Variants in MTCL3 observed in about 807,000 individuals in gnomAD.
The protein encoded by MTCL3 is MTCL family member 3, also known as microtubule cross-linking factor 3.
chr6:127,497,449 G>C, the MTCL3 span, among the ~76,000 whole-genome samples: 1 of 152,122 alleles, frequency 6.6e-6, no homozygotes, highest in East Asian at 1.9e-4. Context: ...CCCATGTTGA[G>C]GTTTATTCTT....
the MTCL3 span, among the ~76,000 whole-genome samples, chr6:127,500,296 A>G: frequency 6.6e-6 from 1 of 152,154 alleles, no homozygotes. Flanking sequence ...ATATAATAAG[A>G]CATATTTTTT....
At chr6:127,473,709 C>A in the MTCL3 span, among the ~76,000 whole-genome samples, 2 of 152,170 alleles carry the variant, frequency 1.3e-5, no homozygotes, top group Non-Finnish European at 2.9e-5. Flanking sequence ...TCTAGCTGTA[C>A]CAACAGGCAG....
At chr6:127,506,413 A>G in the MTCL3 span, among the ~76,000 whole-genome samples, 1 of 152,160 alleles carries the variant, frequency 6.6e-6, no homozygotes, top group Non-Finnish European at 1.5e-5. Context: ...TTCTTTCAAT[A>G]TTTGGTCCCC....
At chr6:127,493,825 T>A in the MTCL3 span, among the ~76,000 whole-genome samples, 5 of 152,264 alleles carry the variant, frequency 3.3e-5, no homozygotes, top group African/African-American at 9.6e-5. Flanking sequence ...TTTATTTTTT[T>A]AAATTAAAGA....
the MTCL3 span, chr6:127,475,272 T>A: frequency 6.4e-7 from 1 of 1,564,160 alleles, no homozygotes; most frequent in East Asian, 2.3e-5. This position sits in a 1 kb window ranked among gnomAD's most constrained non-coding sequence, Gnocchi z 7.3. Context: ...CCGCCGTGGC[T>A]CGCAATAGGC....
chr6:127,501,466 T>A, the MTCL3 span, among the ~76,000 whole-genome samples: 1 of 152,212 alleles, frequency 6.6e-6, no homozygotes, highest in Non-Finnish European at 1.5e-5. Context: ...TCAGAATAAA[T>A]AAGCAATTGG....
At chr6:127,480,734 T>G in the MTCL3 span, among the ~76,000 whole-genome samples, 1 of 152,136 alleles carries the variant, frequency 6.6e-6, no homozygotes, top group Non-Finnish European at 1.5e-5. Context: ...AGAATTACAA[T>G]AGAATGGTAT....
the MTCL3 span, among the ~76,000 whole-genome samples, chr6:127,481,833 G>T: frequency 3.2e-3 from 480 of 152,306 alleles, 1 homozygote; most frequent in Non-Finnish European, 5.1e-3. Context: ...TAAGGATTCT[G>T]AGTCACAGGA....
At chr6:127,492,674 C>G in the MTCL3 span, among the ~76,000 whole-genome samples, 1 of 152,064 alleles carries the variant, frequency 6.6e-6, no homozygotes, top group Non-Finnish European at 1.5e-5. Flanking sequence ...GCGCCCGCCA[C>G]CACACCCGGC....
At chr6:127,484,174 A>T in the MTCL3 span, among the ~76,000 whole-genome samples, 3 of 152,214 alleles carry the variant, frequency 2.0e-5, no homozygotes, top group East Asian at 5.8e-4. Context: ...ATAAATTCGC[A>T]AAGAAATGAA....
chr6:127,473,178 C>T, the MTCL3 span: 1 of 1,293,818 alleles, frequency 7.7e-7, no homozygotes, highest in Non-Finnish European at 9.9e-7. Context: ...GTTTTTATAG[C>T]ATTGGTTACT....
At chr6:127,516,341 G>A in the MTCL3 span, 12 of 1,590,702 alleles carry the variant, frequency 7.5e-6, no homozygotes, top group Non-Finnish European at 1.0e-5. Flanking sequence ...ATGCTGGCGG[G>A]CGGCCCCGTG....
At chr6:127,483,340 A>G in the MTCL3 span, among the ~76,000 whole-genome samples, 1 of 152,248 alleles carries the variant, frequency 6.6e-6, no homozygotes, top group African/African-American at 2.4e-5. Context: ...GAAGGAAAAA[A>G]AGTAAGTTAT....
the MTCL3 span, among the ~76,000 whole-genome samples, chr6:127,488,611 A>AGCC: frequency 6.6e-6 from 1 of 152,242 alleles, no homozygotes; most frequent in Non-Finnish European, 1.5e-5. Context: ...GGTAAACAAA[A>AGCC]GCCCATTTGA....
chr6:127,516,137 G>C, the MTCL3 span: 8 of 1,450,844 alleles, frequency 5.5e-6, no homozygotes, highest in East Asian at 2.0e-4. Context: ...AGCGGAGGGG[G>C]TTCCCCGAGT....
the MTCL3 span, among the ~76,000 whole-genome samples, chr6:127,517,924 A>T: frequency 2.0e-5 from 3 of 152,262 alleles, no homozygotes; most frequent in Non-Finnish European, 4.4e-5. Context: ...TGTTCTATAC[A>T]GAGAGCAGAT....
chr6:127,479,449 G>C, the MTCL3 span, among the ~76,000 whole-genome samples: 1 of 152,346 alleles, frequency 6.6e-6, no homozygotes, highest in East Asian at 1.9e-4. Flanking sequence ...ATATGTGGTG[G>C]AAGTCCTTGA....
the MTCL3 span, chr6:127,476,025 C>T: frequency 1.2e-6 from 2 of 1,611,576 alleles, no homozygotes; most frequent in African/African-American, 2.7e-5. The surrounding 1 kb of genome is among the most constrained non-coding windows in gnomAD (Gnocchi z 4.4). Context: ...TGTTCTGCTC[C>T]TCCAGGTCGG....
At chr6:127,473,210 C>T in the MTCL3 span, 289 of 1,378,500 alleles carry the variant, frequency 2.1e-4, no homozygotes, top group Admixed American at 6.6e-4. Flanking sequence ...ACTTCTTTTA[C>T]TTCTTGTCTT....
Sources: gnomAD v4.1 joint callset for allele counts (sites outside exome capture counted in the v4.1 genomes callset) on GRCh38, gnomAD v4.1.1 for gene constraint, Gnocchi (gnomAD v3.1) non-coding constraint, MANE v1.5 for transcripts, NCBI Gene and HGNC (gene_info 2026-07-23, HGNC 2026-07-21) for gene names.